PLA2G4B: variants seen among roughly 807,000 people sequenced by gnomAD.
PLA2G4B encodes cytosolic phospholipase A2 beta.
PLA2G4B carries 122 observed loss-of-function variants against 95.8 expected under a neutral mutation model. That is an observed-to-expected ratio of 1.27 (90% CI 1.10 to 1.48). The LOEUF (loss-of-function observed/expected upper bound fraction) is 1.48, where lower values mean the gene tolerates loss of function less well. PLA2G4B is among the 40% of genes most tolerant of loss of function. The probability of loss-of-function intolerance (pLI) is 0.00; values close to 1 mark genes in which losing one functional copy is unlikely to be tolerated. For missense variants in PLA2G4B, 1,158 were observed against 996.2 expected, an observed-to-expected ratio of 1.16 and a Z score of -2.19; for synonymous variants, 518 against 421.5, an observed-to-expected ratio of 1.23 and a Z score of -2.80.
chr15:41,846,291 G>T lies in PLA2G4B; in HGVS notation c.1689G>T (p.Trp563Cys), dbSNP rs766967757. 22 of 1,613,932 alleles carry T rather than the reference G, an allele frequency of 1.4e-5. No individual in the cohort carries two copies. Among genetic ancestry groups the T allele is most frequent in the Non-Finnish European group, 1.9e-5 (22 of 1,179,950 alleles). Reference protein sequence around the residue: ...IAEFFTDLLTWRPLAQATHNF... With the variant: ...IAEFFTDLLTCRPLAQATHNF... ...AGTTTTTCACCGATCTTCTGACGTG[G>T]CGTCCACTGGCCCAGGCCACACATA... Residue 563 changes from tryptophan (W) to cysteine (C), a missense_variant, in exon 17 of 20, where the codon TGG becomes TGT. Trp to Cys is a radical substitution (Grantham distance 215). Coordinates refer to ENST00000458483, the MANE Select transcript of PLA2G4B (RefSeq NM_001114633.2).
rs2065526814 is a variant in PLA2G4B, at chr15:41,845,663, G to A, written c.1383G>A (p.Glu461=). ...AGTGGTGCGAGTTCTCTCCCTACGA[G>A]GTCGGCTTCCCCAAGTACGGGGCCT... is the stretch of plus-strand genomic sequence containing the variant. ...FGEWCEFSPY[E]VGFPKYGAFI... The change falls in exon 15 of 20, where the codon GAG becomes GAA. Residue 461 remains glutamate (E), a synonymous_variant. Coordinates refer to ENST00000458483, the MANE Select transcript of PLA2G4B (RefSeq NM_001114633.2). 3 of 1,614,166 alleles carry A rather than the reference G, an allele frequency of 1.9e-6. No individual in the cohort carries two copies. The highest frequency in any genetic ancestry group is 2.5e-6 in the Non-Finnish European group (3 of 1,180,010).
At position 41,845,795 on chromosome 15, in the gene PLA2G4B, T is replaced by C; in HGVS notation, c.1495+20T>C. 6.4e-7 allele frequency: 1 copy of C among 1,574,142 alleles called. No homozygotes were observed. The highest frequency in any genetic ancestry group is 8.6e-7 in the Non-Finnish European group (1 of 1,159,354). ...TAGAAGGTGAGGGGCACTGGCAGGC[T>C]GGGGAAGCTGGGCCGAGCAGGGAAA... is the stretch of plus-strand genomic sequence containing the variant. On this transcript the variant is annotated intron_variant, in intron 15 of 19. Transcript: ENST00000458483.
Position 41,847,469 on chromosome 15 carries a change from G to T in PLA2G4B, c.2080G>T (p.Ala694Ser). ...CGACCCCACCTGCCCCGGAGCCCCT[G>T]CGGTGCTGCACTTTCCTCTGGTCAG... Reference protein sequence around the residue: ...FSDPTCPGAPAVLHFPLVSDS... With the variant: ...FSDPTCPGAPSVLHFPLVSDS... Residue 694 changes from alanine (A) to serine (S), a missense_variant, in exon 19 of 20, where the codon GCG becomes TCG. Coordinates refer to ENST00000458483, the MANE Select transcript of PLA2G4B (RefSeq NM_001114633.2). The T allele has an allele frequency of 6.2e-7, 1 of 1,612,992 alleles. No individual in the cohort carries two copies.
chr15:41,839,860 T>C (rs1232199953), intron 1 of PLA2G4B: 2 of 351,588 alleles, frequency 5.7e-6, no homozygotes, highest in Admixed American at 9.0e-5. Context: ...TGTGCCTCAG[T>C]TTCCTTGTGG....
At position 41,847,634 on chromosome 15, in the gene PLA2G4B, G is replaced by T; in HGVS notation, c.2135-15G>T. ...CACAACGTGTTCCCCATGCCAGGCT[G>T]CACTCTCTCCACAGGGGTCCGGCGG... On this transcript the variant is annotated splice_polypyrimidine_tract_variant and intron_variant, in intron 19 of 19. Coordinates refer to ENST00000458483, the MANE Select transcript of PLA2G4B (RefSeq NM_001114633.2). 1 of 1,613,542 alleles carries T rather than the reference G, an allele frequency of 6.2e-7. No individual in the cohort carries two copies. Among genetic ancestry groups the T allele is most frequent in the Non-Finnish European group, 8.5e-7 (1 of 1,180,014 alleles).
Position 41,845,014 on chromosome 15 carries a change from C to G in PLA2G4B, c.1183C>G (p.Pro395Ala). 6.2e-7 allele frequency: 1 copy of G among 1,605,388 alleles called. No individual in the cohort carries two copies. The highest frequency in any genetic ancestry group is 1.1e-5 in the South Asian group (1 of 89,812). Reference protein sequence around the residue: ...ELAERARLGYPSCFTNLWALI... With the variant: ...ELAERARLGYASCFTNLWALI... ...GGCCGAGCGTGCCCGCTTGGGCTAC[C>G]CAAGCTGCTTCACCAACCTGTGGGC... is the stretch of plus-strand genomic sequence containing the variant. The change falls in exon 13 of 20, where the codon CCA becomes GCA. Residue 395 changes from proline to alanine, a missense_variant. Pro to Ala is a conservative substitution (Grantham distance 27, BLOSUM62 -1). Transcript: ENST00000458483.
intron 5 of PLA2G4B, 34 bp from the exon 6 acceptor site, chr15:41,841,197 C>G: frequency 6.2e-7 from 1 of 1,613,980 alleles, no homozygotes; most frequent in Non-Finnish European, 8.5e-7. Flanking sequence ...GGAACCTGGA[C>G]TCCTGCTAAG....
rs755972631 is a variant in PLA2G4B at position 41,845,794 on chromosome 15, C to T, written c.1495+19C>T. On this transcript the variant is annotated intron_variant, in intron 15 of 19. Coordinates refer to ENST00000458483, the MANE Select transcript of PLA2G4B (RefSeq NM_001114633.2). ...TTAGAAGGTGAGGGGCACTGGCAGGCTGGGGAAGCTGGGCCGAGCAGGGAA... is the reference window on the plus strand; with the variant it reads ...TTAGAAGGTGAGGGGCACTGGCAGGTTGGGGAAGCTGGGCCGAGCAGGGAA... The T allele has an allele frequency of 6.4e-7, 1 of 1,573,974 alleles. No homozygotes were observed.
chr15:41,844,361 C>G, intron 11 of PLA2G4B, 110 bp from the exon 12 acceptor site: 2 of 1,551,510 alleles, frequency 1.3e-6, no homozygotes, highest in Non-Finnish European at 1.8e-6. Context: ...GACCTGTGAT[C>G]AGGCCTTAGC....
chr15:41,841,006 T>C (rs748840447), intron 4 of PLA2G4B, 49 bp from the exon 5 acceptor site: 4 of 1,570,752 alleles, frequency 2.5e-6, no homozygotes, highest in South Asian at 1.2e-5. Context: ...CACTGACATA[T>C]GTGCACTCCT....
intron 9 of PLA2G4B, 77 bp from the exon 10 acceptor site, chr15:41,842,477 C>G: frequency 6.3e-7 from 1 of 1,579,268 alleles, no homozygotes; most frequent in Middle Eastern, 2.0e-4. Context: ...GGGTGGTGCG[C>G]CGGGGATCAG....
chr15:41,846,578 G>A, intron 17 of PLA2G4B, 91 bp from the exon 18 acceptor site: 1 of 1,528,280 alleles, frequency 6.5e-7, no homozygotes, highest in Non-Finnish European at 8.8e-7. Context: ...TTCAGCAGGA[G>A]AGCAGGGACC....
chr15:41,846,912 G>A, intron 18 of PLA2G4B, 77 bp downstream of exon 18: 2 of 1,487,178 alleles, frequency 1.3e-6, no homozygotes, highest in South Asian at 1.4e-5. Context: ...TTGGAGTCCA[G>A]TGTCTGGTTC....
chr15:41,847,260 G>A, intron 18 of PLA2G4B, 77 bp from the exon 19 acceptor site: 12 of 1,510,944 alleles, frequency 7.9e-6, no homozygotes, highest in Middle Eastern at 1.8e-4. Flanking sequence ...CCCAGGTCCT[G>A]TGCATCTTAC....
At position 41,840,521 on chromosome 15, in the gene PLA2G4B, C is replaced by A. The variant is rs376595139; in HGVS notation, c.83-3C>A. 1 of 1,613,614 alleles carries A rather than the reference C, an allele frequency of 6.2e-7. No homozygotes were observed. The highest frequency in any genetic ancestry group is 8.5e-7 in the Non-Finnish European group (1 of 1,180,038). On this transcript the variant is annotated splice_region_variant and splice_polypyrimidine_tract_variant and intron_variant, in intron 2 of 19. Transcript: ENST00000458483. Reference sequence around the variant, plus strand: ...ACCGCTGGGCACTTGTTCCTTCCCGCAGTGACCCCCTCTGACTGCTACGTG... The same window carrying A: ...ACCGCTGGGCACTTGTTCCTTCCCGAAGTGACCCCCTCTGACTGCTACGTG...
At chr15:41,844,190 G>A (rs2065488876) in intron 11 of PLA2G4B, among the ~76,000 whole-genome samples, 2 of 152,220 alleles carry the variant, frequency 1.3e-5, no homozygotes, top group Admixed American at 1.3e-4. Context: ...GGCGGGCCCT[G>A]GGGCTTCCAG....
At chr15:41,845,529 C>T in intron 14 of PLA2G4B, 109 bp from the exon 15 acceptor site, 1 of 1,528,932 alleles carries the variant, frequency 6.5e-7, no homozygotes, top group Middle Eastern at 2.4e-4. Flanking sequence ...GGCCACAAGG[C>T]CTGGGCCTCC....
intron 7 of PLA2G4B, 25 bp from the exon 8 acceptor site, chr15:41,841,794 T>C (rs1409116220): frequency 1.2e-6 from 2 of 1,611,564 alleles, no homozygotes; most frequent in Non-Finnish European, 1.7e-6. Flanking sequence ...GTCCCCAGCC[T>C]CTCTGCTCTG....
chr15:41,839,724 G>A (rs1053798406), intron 1 of PLA2G4B: 8 of 167,406 alleles, frequency 4.8e-5, no homozygotes, highest in African/African-American at 1.4e-4. Flanking sequence ...CTGGGGATGT[G>A]GGGTGGAGAG....
Sources: gnomAD v4.1 joint callset for allele counts (sites outside exome capture counted in the v4.1 genomes callset) on GRCh38, gnomAD v4.1.1 for gene constraint, MANE v1.5 for transcripts, NCBI Gene and HGNC (gene_info 2026-07-23, HGNC 2026-07-21) for gene names.